GRID1: variants seen among roughly 807,000 people sequenced by gnomAD.
The protein encoded by GRID1 is glutamate receptor ionotropic, delta-1.
Under a neutral mutation model 98.0 loss-of-function variants are expected in GRID1, and 28 were observed. The ratio of observed to expected loss-of-function variants is 0.29; its 90% CI spans 0.21 to 0.39. The LOEUF (loss-of-function observed/expected upper bound fraction) is 0.39. GRID1 is among the 10% of genes least tolerant of loss of function. GRID1 has a pLI of 1.00. For synonymous variants in GRID1, 553 were observed against 538.5 expected, an observed-to-expected ratio of 1.03 and a Z score of -0.37; for missense variants, 1,111 against 1,340.5, an observed-to-expected ratio of 0.83 and a Z score of 2.67.
chr10:85,800,446 A>G (rs2132751903), intron 8 of GRID1, among the ~76,000 whole-genome samples: 1 of 152,198 alleles, frequency 6.6e-6, no homozygotes, highest in Admixed American at 6.5e-5. Flanking sequence ...ATTTTAAAGT[A>G]CTTGTAAATA....
intron 5 of GRID1, among the ~76,000 whole-genome samples, chr10:85,907,363 C>T (rs1175224356): frequency 6.6e-6 from 1 of 152,154 alleles, no homozygotes; most frequent in African/African-American, 2.4e-5. Flanking sequence ...GTGCCTGCCT[C>T]GGCCTCCCAA....
At chr10:85,627,250 C>A (rs1283088641) in intron 13 of GRID1, among the ~76,000 whole-genome samples, 1 of 152,222 alleles carries the variant, frequency 6.6e-6, no homozygotes, top group African/African-American at 2.4e-5. Flanking sequence ...GCTGCCTGTG[C>A]AGACAAGTTG....
chr10:85,656,806 T>A (rs1840900576), intron 12 of GRID1, among the ~76,000 whole-genome samples: 1 of 152,196 alleles, frequency 6.6e-6, no homozygotes, highest in Non-Finnish European at 1.5e-5. Flanking sequence ...TATCTGGACA[T>A]TGAGATAGTC....
At chr10:85,670,594 G>A (rs1841073922) in intron 12 of GRID1, among the ~76,000 whole-genome samples, 1 of 152,202 alleles carries the variant, frequency 6.6e-6, no homozygotes, top group East Asian at 1.9e-4. Flanking sequence ...GACTGCAAGG[G>A]GGAGAAGAAA....
intron 12 of GRID1, among the ~76,000 whole-genome samples, chr10:85,680,873 A>T (rs1468363067): frequency 6.6e-6 from 1 of 152,236 alleles, no homozygotes; most frequent in Non-Finnish European, 1.5e-5. Context: ...CCTAAGCGGA[A>T]TAACTCAGAA....
chr10:85,671,864 C>G (rs1257289351), intron 12 of GRID1, among the ~76,000 whole-genome samples: 1 of 152,200 alleles, frequency 6.6e-6, no homozygotes, highest in East Asian at 1.9e-4. Flanking sequence ...TTTTAGTGGT[C>G]TGAATAGAAG....
At chr10:85,608,098 G>A (rs1842693402) in intron 15 of GRID1, among the ~76,000 whole-genome samples, 1 of 151,868 alleles carries the variant, frequency 6.6e-6, no homozygotes, top group South Asian at 2.1e-4. Context: ...TTATAGGCAT[G>A]CGCCACTACA....
intron 8 of GRID1, among the ~76,000 whole-genome samples, chr10:85,753,322 G>A (rs1376810434): frequency 2.0e-5 from 3 of 152,212 alleles, no homozygotes; most frequent in Admixed American, 6.5e-5. Context: ...TGGCACATGG[G>A]CAGACTGACA....
intron 3 of GRID1, among the ~76,000 whole-genome samples, chr10:86,157,767 A>T (rs1006058295): frequency 4.6e-5 from 7 of 152,214 alleles, no homozygotes; most frequent in Non-Finnish European, 1.0e-4. Context: ...CTCCTAAATT[A>T]TAAACGCAAG....
intron 8 of GRID1, among the ~76,000 whole-genome samples, chr10:85,821,539 A>ACAAAC (rs1554833469): frequency 7.2e-5 from 7 of 97,626 alleles, no homozygotes; most frequent in African/African-American, 1.5e-4. Flanking sequence ...AAAAAAAAAA[A>ACAAAC]AAAAAAGAAA....
chr10:86,343,725 A>G (rs1019310740), intron 2 of GRID1, among the ~76,000 whole-genome samples: 7 of 152,180 alleles, frequency 4.6e-5, no homozygotes, highest in African/African-American at 1.7e-4. Flanking sequence ...GTGAATCCCC[A>G]CATCTCCCTA....
At position 85,775,604 on chromosome 10, in the gene GRID1, T is replaced by C. The variant is rs1590226829; in HGVS notation, c.1234-45990A>G. On this transcript the variant is annotated intron_variant, in intron 8 of 15. Coordinates refer to ENST00000327946, the MANE Select transcript of GRID1 (RefSeq NM_017551.3). Reference sequence around the variant, plus strand: ...TTGGGTACTATGCTCACTACCTAGGTAATGAGATCCATCGTAGCCCAAACT... The same window carrying C: ...TTGGGTACTATGCTCACTACCTAGGCAATGAGATCCATCGTAGCCCAAACT... 2.0e-5 allele frequency among the ~76,000 whole-genome samples: 3 copies of C among 152,170 alleles called. No individual in the cohort carries two copies. In the South Asian group the frequency reaches 6.2e-4, roughly 32 times the overall value.
At chr10:85,635,199 G>T (rs892664154) in intron 13 of GRID1, among the ~76,000 whole-genome samples, 1 of 152,058 alleles carries the variant, frequency 6.6e-6, no homozygotes, top group Admixed American at 6.6e-5. Flanking sequence ...AATGAGATTT[G>T]CTTGGCAATG....
intron 12 of GRID1, among the ~76,000 whole-genome samples, chr10:85,666,068 G>A (rs1412952781): frequency 6.6e-6 from 1 of 152,118 alleles, no homozygotes. Flanking sequence ...TTTTCTACCT[G>A]GTTTGTAAAG....
chr10:85,982,326 T>A (rs920636866), intron 4 of GRID1, among the ~76,000 whole-genome samples: 5 of 151,884 alleles, frequency 3.3e-5, no homozygotes, highest in Non-Finnish European at 7.4e-5. Context: ...TATACTTTTA[T>A]ATTAAAAAAA....
chr10:85,739,750 G>A (rs1841922012), intron 8 of GRID1, among the ~76,000 whole-genome samples: 1 of 152,178 alleles, frequency 6.6e-6, no homozygotes, highest in Admixed American at 6.5e-5. Flanking sequence ...AAGAATATAA[G>A]TACAGTTTTA....
rs1325565114 is a variant in GRID1 at position 86,365,822 on chromosome 10, AACACCG to A, written c.79+486_79+491del. ...ACACACCCCAACACCCTCTCACAGT[AACACCG>A]ACACCGTGCCAGGCGCACACAGCGA... On this transcript the variant is annotated intron_variant, in intron 1 of 15. Transcript: ENST00000327946. The surrounding 1 kb of genome is among the most constrained non-coding windows in gnomAD (Gnocchi z 4.8). 1.1e-4 allele frequency among the ~76,000 whole-genome samples: 16 copies of A among 152,016 alleles called. No individual in the cohort carries two copies. Among genetic ancestry groups the A allele is most frequent in the Admixed American group, 1.0e-3 (16 of 15,258 alleles).
At chr10:86,189,238 ATGGAACCCC>A (rs1286177978) in intron 3 of GRID1, among the ~76,000 whole-genome samples, 2 of 152,210 alleles carry the variant, frequency 1.3e-5, no homozygotes, top group East Asian at 3.9e-4. Context: ...CTTTGGTATG[ATGGAACCCC>A]TGGCCTCCTA....
intron 8 of GRID1, among the ~76,000 whole-genome samples, chr10:85,734,996 T>C (rs1841864531): frequency 1.3e-5 from 2 of 152,124 alleles, no homozygotes; most frequent in Non-Finnish European, 2.9e-5. Context: ...CAGGAAAATG[T>C]TTCAGTCAAT....
Sources: gnomAD v4.1 joint callset for allele counts (sites outside exome capture counted in the v4.1 genomes callset) on GRCh38, gnomAD v4.1.1 for gene constraint, Gnocchi (gnomAD v3.1) non-coding constraint, MANE v1.5 for transcripts, NCBI Gene and HGNC (gene_info 2026-07-23, HGNC 2026-07-21) for gene names.